Variants in HTT observed in about 807,000 individuals in gnomAD.
HTT encodes the protein huntington disease protein.
Under a neutral mutation model 362.3 loss-of-function variants are expected in HTT, and 104 were observed. The ratio of observed to expected loss-of-function variants is 0.29; its 90% confidence interval spans 0.24 to 0.34. The LOEUF is 0.34. HTT is among the 10% of genes least tolerant of loss of function. The probability of loss-of-function intolerance (pLI) is 1.00; values close to 1 mark genes in which losing one functional copy is unlikely to be tolerated. For synonymous variants in HTT, 1,577 were observed against 1,548.7 expected (o/e 1.02, Z -0.43); for missense variants, 3,301 against 3,928.6 (o/e 0.84, Z 4.27).
Position 3,207,299 on chromosome 4 carries a change from C to G in HTT, c.6094C>G (p.Pro2032Ala). Residue 2032 changes from proline (P) to alanine (A), a missense_variant, in exon 45 of 67, where the codon CCA becomes GCA. Around this residue, in one of 4 missense-constraint regions of HTT, gnomAD observed 2,316 missense variants for 2,658.5 expected, o/e 0.87. Coordinates refer to ENST00000355072, the MANE Select transcript of HTT (RefSeq NM_001388492.1). The part of the protein sequence containing the change: ...ANLQSSMAQL[P>A]MEELNRIQEY... Reference sequence around the variant, plus strand: ...CTATTAGAGCAGCATGGCCCAGTTGCCAATGGAAGAACTCAACAGAATCCA... The same window carrying G: ...CTATTAGAGCAGCATGGCCCAGTTGGCAATGGAAGAACTCAACAGAATCCA... The G allele has an allele frequency of 6.2e-7, 1 of 1,613,758 alleles. No individual in the cohort carries two copies. Among genetic ancestry groups the G allele is most frequent in the South Asian group, 1.1e-5 (1 of 90,968 alleles).
intron 26 of HTT, 128 bp from the exon 27 acceptor site, chr4:3,154,165 C>A: frequency 4.1e-6 from 3 of 732,824 alleles, no homozygotes; most frequent in East Asian, 5.5e-5. Flanking sequence ...GGTCCAAGAA[C>A]AAAATGAGTG....
At position 3,166,493 on chromosome 4, in the gene HTT, T is replaced by C. The variant is rs191244049; in HGVS notation, c.3865-5827T>C. On this transcript the variant is annotated intron_variant, in intron 29 of 66. Transcript: ENST00000355072. ...GTTTAAATCTGGAGAAGCTGTCTGCTGCCTTTTGTTCAGATGTGCCCTTCC... is the reference window on the plus strand; with the variant it reads ...GTTTAAATCTGGAGAAGCTGTCTGCCGCCTTTTGTTCAGATGTGCCCTTCC... Among the ~76,000 whole-genome samples, 768 of 152,358 alleles carry C rather than the reference T, an allele frequency of 5.0e-3. 7 individuals carry two copies. The highest frequency in any genetic ancestry group is 0.016 in the African/African-American group (666 of 41,596).
chr4:3,089,347 G>A (rs1023402626), intron 2 of HTT, among the ~76,000 whole-genome samples: 21 of 151,870 alleles, frequency 1.4e-4, no homozygotes, highest in Admixed American at 3.9e-4. Context: ...TCCACCTCCC[G>A]GGTTCACGCT....
At chr4:3,238,684 C>G in intron 65 of HTT, 75 bp downstream of exon 65, 2 of 1,499,324 alleles carry the variant, frequency 1.3e-6, no homozygotes, top group Non-Finnish European at 1.8e-6. Context: ...CCAGCAGATT[C>G]GCCAGCAGAG....
intron 33 of HTT, among the ~76,000 whole-genome samples, chr4:3,176,355 C>G (rs370949255): frequency 6.6e-6 from 1 of 152,202 alleles, no homozygotes; most frequent in East Asian, 1.9e-4. Flanking sequence ...AAGGAGGCAT[C>G]AAGGGGTGGG....
At chr4:3,112,328 G>C (rs529086037) in intron 6 of HTT, among the ~76,000 whole-genome samples, 1 of 152,190 alleles carries the variant, frequency 6.6e-6, no homozygotes, top group African/African-American at 2.4e-5. Flanking sequence ...GTATCCCTTG[G>C]TGAATAACCA....
rs943976128 is a variant in HTT, at chr4:3,123,374, T to C, written c.1321+438T>C. ...TTTACTTACAGAAACAGACAGGCTG[T>C]AGTTTGCCAATACCTGCCTTAGGGA... On this transcript the variant is annotated intron_variant, in intron 10 of 66. Coordinates refer to ENST00000355072, the MANE Select transcript of HTT (RefSeq NM_001388492.1). 127 of 156,156 alleles carry C rather than the reference T, an allele frequency of 8.1e-4. 1 individual carries two copies. Among genetic ancestry groups the C allele is most frequent in the Admixed American group, 1.9e-4 (3 of 15,394 alleles). 9.7% of individuals were successfully genotyped at this position (156,156 alleles called of 1,614,324 possible).
chr4:3,235,905 GCCCCA>G (rs1210511730), intron 63 of HTT, 127 bp downstream of exon 63: 1 of 812,688 alleles, frequency 1.2e-6, no homozygotes, highest in Non-Finnish European at 2.0e-6. Context: ...CCCCAAGCCG[GCCCCA>G]TCACCTTGCA....
intron 40 of HTT, among the ~76,000 whole-genome samples, chr4:3,197,825 T>A (rs947354774): frequency 3.3e-5 from 5 of 152,162 alleles, no homozygotes; most frequent in Non-Finnish European, 7.4e-5. Context: ...GGGTTTCTAT[T>A]ACCTGTTCAA....
At chr4:3,142,986 CT>C in intron 23 of HTT, 100 bp downstream of exon 23, 1 of 820,234 alleles carries the variant, frequency 1.2e-6, no homozygotes, top group Non-Finnish European at 2.0e-6. Context: ...AGGTGCTTGT[CT>C]TACAGCTCTT....
chr4:3,079,218 T>C (rs1470875160), intron 1 of HTT, among the ~76,000 whole-genome samples: 1 of 150,890 alleles, frequency 6.6e-6, no homozygotes, highest in Non-Finnish European at 1.5e-5. Context: ...TTAAATACGG[T>C]GTTCAGGGAA....
At position 3,125,119 on chromosome 4, in the gene HTT, T is replaced by C. The variant is rs182754054; in HGVS notation, c.1322-430T>C. 1.5e-3 allele frequency among the ~76,000 whole-genome samples: 223 copies of C among 152,280 alleles called. 2 individuals carry two copies. The highest frequency in any genetic ancestry group is 2.4e-3 in the Non-Finnish European group (163 of 68,012). ...TAAAAGATAATAAAATGAAAGTGAC[T>C]TTTAGGTATTAGAGTTTTATTATAA... On this transcript the variant is annotated intron_variant, in intron 10 of 66. Transcript: ENST00000355072.
In HTT at chr4:3,240,061, C is replaced by T. The variant is rs1280292165; in HGVS notation, c.*2C>T. ...GTCCACAAGGTCACCACCTGCTGAGCGCCATGGTGGGAGAGACTGTGAGGC... is the reference window on the plus strand; with the variant it reads ...GTCCACAAGGTCACCACCTGCTGAGTGCCATGGTGGGAGAGACTGTGAGGC... On this transcript the variant is annotated 3_prime_UTR_variant, in exon 67 of 67. Coordinates refer to ENST00000355072, the MANE Select transcript of HTT (RefSeq NM_001388492.1). 8 of 1,578,916 alleles carry T rather than the reference C, an allele frequency of 5.1e-6. No homozygotes were observed. The highest frequency in any genetic ancestry group is 1.8e-4 in the Middle Eastern group (1 of 5,648).
intron 21 of HTT, among the ~76,000 whole-genome samples, chr4:3,138,520 T>C (rs1376380952): frequency 1.3e-5 from 2 of 152,172 alleles, no homozygotes; most frequent in African/African-American, 4.8e-5. Context: ...ACTACCAGAA[T>C]GTGATTGTGC....
intron 54 of HTT, among the ~76,000 whole-genome samples, chr4:3,222,904 C>T (rs564179354): frequency 3.9e-5 from 6 of 152,126 alleles, no homozygotes; most frequent in African/African-American, 9.7e-5. Flanking sequence ...ACGTACATTA[C>T]GCTAACACGA....
At chr4:3,116,788 A>C (rs868291194) in intron 8 of HTT, among the ~76,000 whole-genome samples, 7 of 152,172 alleles carry the variant, frequency 4.6e-5, no homozygotes, top group African/African-American at 1.7e-4. Flanking sequence ...CAGTAATTCT[A>C]ATGTACTGTG....
intron 6 of HTT, among the ~76,000 whole-genome samples, chr4:3,111,925 A>G (rs1307551391): frequency 6.6e-6 from 1 of 152,146 alleles, no homozygotes; most frequent in African/African-American, 2.4e-5. Flanking sequence ...TGGCTTCAAT[A>G]AGCTTGCTTT....
intron 9 of HTT, chr4:3,121,677 G>T: frequency 1.5e-5 from 3 of 203,736 alleles, no homozygotes; most frequent in Non-Finnish European, 2.9e-5. Flanking sequence ...ACCTGGCCAA[G>T]TGAGACCCTG....
chr4:3,142,734 T>C (rs1209671905), intron 22 of HTT, 32 bp from the exon 23 acceptor site: 4 of 1,136,830 alleles, frequency 3.5e-6, no homozygotes, highest in Non-Finnish European at 5.2e-6. Flanking sequence ...GTTTTAATAG[T>C]GTATTTTAAG....
Sources: allele counts gnomAD v4.1 joint callset (sites outside exome capture counted in the v4.1 genomes callset), GRCh38; gene constraint gnomAD v4.1.1; regional missense constraint gnomAD v4.1.1; transcripts MANE v1.5; gene names NCBI Gene and HGNC (gene_info 2026-07-23, HGNC 2026-07-21).